The following GPR162 variants were observed in gnomAD, a reference collection of about 807,000 sequenced individuals.
GPR162 encodes G protein-coupled receptor 162, also known as probable G protein-coupled receptor 162.
Under a neutral mutation model 44.9 loss-of-function variants are expected in GPR162, and 26 were observed. The observed-to-expected ratio is 0.58, with a 90% CI of 0.42 to 0.80. The LOEUF is 0.80. Ranked by LOEUF, GPR162 falls within the 30% of genes least tolerant of loss-of-function variation. The probability of loss-of-function intolerance (pLI) is 0.00; values close to 1 mark genes in which losing one functional copy is unlikely to be tolerated. For missense variants in GPR162, 704 were observed against 802.3 expected, an observed-to-expected ratio of 0.88 and a Z score of 1.48; for synonymous variants, 363 against 335.2, an observed-to-expected ratio of 1.08 and a Z score of -0.91.
At position 6,824,731 on chromosome 12, in the gene GPR162, TTC is replaced by T; in HGVS notation, c.837_838del (p.Tyr280Ter). 1 of 1,613,768 alleles carries T rather than the reference TTC, an allele frequency of 6.2e-7. No individual in the cohort carries two copies. Among genetic ancestry groups the T allele is most frequent in the Non-Finnish European group, 8.5e-7 (1 of 1,180,006 alleles). ...ACCAACTTGGTCAGCGCCATCGTCT[TTC>T]TCTATGACTCACTCACAGGGGTGCC... On this transcript the variant is annotated frameshift_variant, in exon 2 of 5. Transcript: ENST00000311268. LOFTEE classifies it high-confidence loss of function.
Position 6,827,311 on chromosome 12 carries a change from G to A in GPR162, c.*107G>A. On this transcript the variant is annotated 3_prime_UTR_variant, in exon 5 of 5. Transcript: ENST00000311268. Reference sequence around the variant, plus strand: ...CCAGACTCTGGGGAGACGGGCGCTAGATTTGGGGCTCAGAAGGCCCTGCTC... The same window carrying A: ...CCAGACTCTGGGGAGACGGGCGCTAAATTTGGGGCTCAGAAGGCCCTGCTC... 4 of 930,150 alleles carry A rather than the reference G, an allele frequency of 4.3e-6. No individual in the cohort carries two copies. The highest frequency in any genetic ancestry group is 3.5e-5 in the South Asian group (2 of 57,322). The allele number at this position is 930,150 out of a possible 1,614,324, so 57.6% of individuals were successfully genotyped here.
At position 6,824,394 on chromosome 12, in the gene GPR162, C is replaced by G; in HGVS notation, c.496C>G (p.Arg166Gly). 1 of 1,614,224 alleles carries G rather than the reference C, an allele frequency of 6.2e-7. No individual in the cohort carries two copies. Among genetic ancestry groups the G allele is most frequent in the Non-Finnish European group, 8.5e-7 (1 of 1,180,044 alleles). Residue 166 changes from arginine to glycine, a missense_variant, in exon 2 of 5, where the codon CGC (arginine) becomes GGC (glycine). Transcript: ENST00000311268. ...CAACAACGGCGAGCGCTACTATGCC[C>G]GCGGCTGCCAGTTCATAGTCTCCAA... is the stretch of plus-strand genomic sequence containing the variant. ...WHNNGERYYARGCQFIVSKIG... is the reference protein window; with the variant it reads ...WHNNGERYYAGGCQFIVSKIG...
chr12:6,825,348 T>C (rs1943340233), intron 2 of GPR162, 136 bp from the exon 3 acceptor site: 1 of 622,292 alleles, frequency 1.6e-6, no homozygotes. Flanking sequence ...CATCTCCACC[T>C]CCGGCTTCGC....
intron 3 of GPR162, 107 bp from the exon 4 acceptor site, chr12:6,826,089 C>T (rs1419306780): frequency 7.4e-6 from 6 of 812,346 alleles, no homozygotes; most frequent in East Asian, 4.9e-5. Context: ...TTGGAACATA[C>T]ATGCTAATGG....
chr12:6,826,046 A>T, intron 3 of GPR162, 150 bp from the exon 4 acceptor site: 2 of 642,102 alleles, frequency 3.1e-6, no homozygotes, highest in East Asian at 5.3e-5. Flanking sequence ...TTAGCACTGA[A>T]CGCAGCAAAT....
chr12:6,825,339 ATCTCCACCTCCGGCT>A, intron 2 of GPR162, 130 bp from the exon 3 acceptor site: 1 of 616,372 alleles, frequency 1.6e-6, no homozygotes, highest in Non-Finnish European at 2.9e-6. Context: ...TGTTCACTCC[ATCTCCACCTCCGGCT>A]TCGCCTCTGT....
At chr12:6,824,844 C>T (rs1555119752) in intron 2 of GPR162, 79 bp downstream of exon 2, 1 of 1,111,396 alleles carries the variant, frequency 9.0e-7, no homozygotes, top group South Asian at 1.2e-5. Flanking sequence ...ACTTCATCAG[C>T]CATACAGCAG....
At chr12:6,825,015 A>G in intron 2 of GPR162, 1 of 674,214 alleles carries the variant, frequency 1.5e-6, no homozygotes, top group Non-Finnish European at 2.7e-6. Context: ...CAGCTCCATC[A>G]CCGTCCTTCA....
At chr12:6,825,421 T>C (rs1435463116) in intron 2 of GPR162, 63 bp from the exon 3 acceptor site, 2 of 983,510 alleles carry the variant, frequency 2.0e-6, no homozygotes. Context: ...TGCACTAGGA[T>C]ATGGGGTTCA....
In GPR162 at chr12:6,824,611, C is replaced by A. The variant is rs782644998; in HGVS notation, c.713C>A (p.Ala238Asp). 2 of 1,611,946 alleles carry A rather than the reference C, an allele frequency of 1.2e-6. No homozygotes were observed. The highest frequency in any genetic ancestry group is 1.7e-6 in the Non-Finnish European group (2 of 1,178,820). Residue 238 changes from alanine to aspartate, a missense_variant, in exon 2 of 5, where the codon GCT becomes GAT. Physicochemically the swap from Ala to Asp is moderately radical, Grantham distance 126. This residue lies in a region of GPR162 where 56 missense variants were observed against 47.2 expected (regional missense o/e 1.19). Coordinates refer to ENST00000311268, the MANE Select transcript of GPR162 (RefSeq NM_019858.2). The stretch of plus-strand genomic sequence containing the variant: ...CCAGGGGCCTTGGGTACCCGGCCAG[C>A]TTTTGAGGTACCAGCCATTGTGGTG... Reference protein sequence around the residue: ...GGPGALGTRPAFEVPAIVVED... With the variant: ...GGPGALGTRPDFEVPAIVVED...
rs1943316760 is a variant in GPR162 at position 6,823,963 on chromosome 12, C to G, written c.65C>G (p.Ala22Gly). The G allele has an allele frequency of 1.3e-6, 2 of 1,597,874 alleles. No individual in the cohort carries two copies. Among genetic ancestry groups the G allele is most frequent in the African/African-American group, 2.7e-5 (2 of 74,880 alleles). The change falls in exon 2 of 5, where the codon GCC becomes GGC. Residue 22 changes from alanine (A) to glycine (G), a missense_variant. Ala to Gly is a moderately conservative substitution (Grantham distance 60). Coordinates refer to ENST00000311268, the MANE Select transcript of GPR162 (RefSeq NM_019858.2). ...SLRSNALSWL[A>G]CGLLALLANA... ...CGCTCCAACGCATTGTCCTGGCTGG[C>G]CTGTGGGCTCCTGGCGCTGCTGGCC... is the stretch of plus-strand genomic sequence containing the variant.
At position 6,824,555 on chromosome 12, in the gene GPR162, G is replaced by T. The variant is rs1555119691; in HGVS notation, c.657G>T (p.Val219=). The T allele has an allele frequency of 3.1e-6, 5 of 1,603,044 alleles. No individual in the cohort carries two copies. In the African/African-American group the frequency reaches 4.0e-5, roughly 13 times the overall value. Residue 219 remains valine (V), a synonymous_variant, in exon 2 of 5, where the codon GTG becomes GTT. Coordinates refer to ENST00000311268, the MANE Select transcript of GPR162 (RefSeq NM_019858.2). ...RPRRARQARR[V]GGGGGTKAGG... ...GGAGGGCTCGGCAGGCCCGGAGAGTGGGGGGTGGTGGGGGGACCAAAGCGG... is the reference window on the plus strand; with the variant it reads ...GGAGGGCTCGGCAGGCCCGGAGAGTTGGGGGTGGTGGGGGGACCAAAGCGG...
At position 6,823,475 on chromosome 12, in the gene GPR162, AG is replaced by A; in HGVS notation, c.-419del. ...CTCATCTTTCCCTTGCAGCCTGTCC[AG>A]GGGGCTGAGCCCCACCCCCAAATCC... On this transcript the variant is annotated 5_prime_UTR_variant, in exon 2 of 5. It introduces an in-frame stop codon into an upstream open reading frame of the 5' UTR. Coordinates refer to ENST00000311268, the MANE Select transcript of GPR162 (RefSeq NM_019858.2). The A allele has an allele frequency of 2.2e-6, 1 of 445,532 alleles. No homozygotes were observed. The allele number at this position is 445,532 out of a possible 1,614,324, so 27.6% of individuals were successfully genotyped here.
At position 6,827,107 on chromosome 12, in the gene GPR162, G is replaced by A. The variant is rs1555120419; in HGVS notation, c.1670G>A (p.Gly557Glu). The A allele has an allele frequency of 6.2e-7, 1 of 1,613,388 alleles. No homozygotes were observed. Among genetic ancestry groups the A allele is most frequent in the South Asian group, 1.1e-5 (1 of 91,090 alleles). ...GGACTTCCTTTGGGACTAAGCGCAG[G>A]GAGACGCTGCTCCCTGACGGGGGGT... ...AVGLPLGLSA[G>E]RRCSLTGGEE... The change falls in exon 5 of 5, where the codon GGG (glycine) becomes GAG (glutamate). Residue 557 changes from glycine to glutamate, a missense_variant. Gly to Glu is a moderately conservative substitution (Grantham distance 98). Transcript: ENST00000311268.
intron 2 of GPR162, 51 bp from the exon 3 acceptor site, chr12:6,825,433 G>A (rs1555119843): frequency 8.6e-7 from 1 of 1,165,008 alleles, no homozygotes; most frequent in South Asian, 1.4e-5. Flanking sequence ...TGGGGTTCAG[G>A]TGGGCTCCTC....
chr12:6,823,267 G>C (rs782775455), intron 1 of GPR162, among the ~76,000 whole-genome samples: 4 of 152,344 alleles, frequency 2.6e-5, no homozygotes, highest in Non-Finnish European at 4.4e-5. Context: ...CTTCCCTAGA[G>C]GTCTGGAAGA....
chr12:6,822,279 C>A lies in GPR162; in HGVS notation c.-432+379C>A, dbSNP rs1204226109. The stretch of plus-strand genomic sequence containing the variant: ...AGGGGTCCAGGGCTGTAGGAGAGGA[C>A]ACTGGGGGCTGCTCTTGGCCAAGTC... On this transcript the variant is annotated intron_variant, in intron 1 of 4. Transcript: ENST00000311268. The surrounding 1 kb of genome is among the most constrained non-coding windows in gnomAD (Gnocchi z 4.2). Among the ~76,000 whole-genome samples, 1 of 152,158 alleles carries A rather than the reference C, an allele frequency of 6.6e-6. No individual in the cohort carries two copies. Among genetic ancestry groups the A allele is most frequent in the Non-Finnish European group, 1.5e-5 (1 of 68,026 alleles).
chr12:6,827,373 C>T lies in GPR162; in HGVS notation c.*169C>T, dbSNP rs782497197. 2.1e-5 allele frequency: 13 copies of T among 609,192 alleles called. 1 individual carries two copies. The South Asian group carries it at 2.6e-4, about 12-fold the overall frequency. The allele number at this position is 609,192 out of a possible 1,614,324, so 37.7% of individuals were successfully genotyped here. A position where few individuals can be genotyped will look rare whatever the true frequency, so the allele number is the denominator to read the frequency against. On this transcript the variant is annotated 3_prime_UTR_variant, in exon 5 of 5. Coordinates refer to ENST00000311268, the MANE Select transcript of GPR162 (RefSeq NM_019858.2). Reference sequence around the variant, plus strand: ...AGTGACCAGATGCCCTACTCAGCTTCCATCACCCCTAGCAATATGTATTAA... The same window carrying T: ...AGTGACCAGATGCCCTACTCAGCTTTCATCACCCCTAGCAATATGTATTAA...
intron 3 of GPR162, 50 bp from the exon 4 acceptor site, chr12:6,826,146 C>G (rs376990826): frequency 6.7e-7 from 1 of 1,483,950 alleles, no homozygotes; most frequent in South Asian, 1.2e-5. Flanking sequence ...GGTGGGAGGC[C>G]GCGGTAGGCA....
Sources: allele counts gnomAD v4.1 joint callset (sites outside exome capture counted in the v4.1 genomes callset), GRCh38; gene constraint gnomAD v4.1.1; regional missense constraint gnomAD v4.1.1; non-coding constraint Gnocchi (gnomAD v3.1); transcripts MANE v1.5; gene names NCBI Gene and HGNC (gene_info 2026-07-23, HGNC 2026-07-21).